The following KAT2B variants were observed in gnomAD, a reference collection of about 807,000 sequenced individuals.
KAT2B encodes the protein lysine acetyltransferase 2B.
In KAT2B, 36 loss-of-function variants were observed where a neutral mutation model predicts 105.9. The observed-to-expected ratio is 0.34, with a 90% CI of 0.26 to 0.45. The LOEUF is 0.45. KAT2B is among the 20% of genes least tolerant of loss of function. KAT2B has a pLI of 1.00. For missense variants in KAT2B, 820 were observed against 1,021.6 expected (o/e 0.80, Z 2.69); for synonymous variants, 397 against 377.9 (o/e 1.05, Z -0.59).
chr3:20,104,979 G>A (rs1698974956), intron 5 of KAT2B, among the ~76,000 whole-genome samples: 1 of 150,978 alleles, frequency 6.6e-6, no homozygotes, highest in South Asian at 2.1e-4. Flanking sequence ...TCCACCTCCT[G>A]AGTTCAGGCG....
chr3:20,097,742 G>A (rs956596823), intron 3 of KAT2B, among the ~76,000 whole-genome samples: 6 of 151,772 alleles, frequency 4.0e-5, no homozygotes, highest in African/African-American at 1.5e-4. Context: ...TCACATTGTC[G>A]GCCACGCTTG....
Position 20,092,770 on chromosome 3 carries a change from C to T in KAT2B, c.431-2493C>T, listed in dbSNP as rs554276799. On this transcript the variant is annotated intron_variant, in intron 2 of 17. Coordinates refer to ENST00000263754, the MANE Select transcript of KAT2B (RefSeq NM_003884.5). ...AGGCTGGAGTGCACTGGTGTGATGTCGGCTCACTGCAATCTCCGCCTCCTG... is the reference window on the plus strand; with the variant it reads ...AGGCTGGAGTGCACTGGTGTGATGTTGGCTCACTGCAATCTCCGCCTCCTG... Among the ~76,000 whole-genome samples, 7 of 151,906 alleles carry T rather than the reference C, an allele frequency of 4.6e-5. No homozygotes were observed. The South Asian group carries it at 8.3e-4, about 18-fold the overall frequency.
Position 20,152,742 on chromosome 3 carries a change from C to T in KAT2B, c.*217C>T. On this transcript the variant is annotated 3_prime_UTR_variant, in exon 18 of 18. Transcript: ENST00000263754. ...TTTATTTTATGGAATAGATTTTAAT[C>T]TATTTACTACTATTAAGGTAAATTT... 1 of 369,962 alleles carries T rather than the reference C, an allele frequency of 2.7e-6. No individual in the cohort carries two copies. The highest frequency in any genetic ancestry group is 5.0e-6 in the Non-Finnish European group (1 of 200,908). The allele number at this position is 369,962 out of a possible 1,614,324, so 22.9% of individuals were successfully genotyped here.
intron 1 of KAT2B, among the ~76,000 whole-genome samples, chr3:20,059,848 T>A (rs1424514717): frequency 1.3e-5 from 2 of 152,322 alleles, no homozygotes; most frequent in South Asian, 4.1e-4. Flanking sequence ...TTTAGAAGAT[T>A]TCCATCACCT....
intron 1 of KAT2B, among the ~76,000 whole-genome samples, chr3:20,071,117 A>C (rs1405306841): frequency 6.6e-6 from 1 of 152,208 alleles, no homozygotes; most frequent in Non-Finnish European, 1.5e-5. Flanking sequence ...AATACATTTA[A>C]ACATATAATT....
intron 1 of KAT2B, among the ~76,000 whole-genome samples, chr3:20,059,493 G>A (rs765360282): frequency 6.6e-6 from 1 of 150,882 alleles, no homozygotes; most frequent in Non-Finnish European, 1.5e-5. Flanking sequence ...CGAGGCAGGT[G>A]GATCACGAGG....
intron 3 of KAT2B, 79 bp from the exon 4 acceptor site, chr3:20,099,781 CAG>C (rs1698876789): frequency 1.4e-6 from 1 of 697,196 alleles, no homozygotes; most frequent in East Asian, 2.6e-5. Flanking sequence ...GAGAGACAGA[CAG>C]AAACAGAAGA....
In KAT2B at chr3:20,139,513, A is replaced by C. The variant is rs113277482; in HGVS notation, c.1861-708A>C. The stretch of plus-strand genomic sequence containing the variant: ...TACTTGGAAAATAAGTTTTTGTTGA[A>C]AGATGAGGCAGTGAACTGCTGGCGA... On this transcript the variant is annotated intron_variant, in intron 12 of 17. Transcript: ENST00000263754. 2.5e-3 allele frequency among the ~76,000 whole-genome samples: 381 copies of C among 152,214 alleles called. 1 individual carries two copies. The highest frequency in any genetic ancestry group is 8.3e-3 in the African/African-American group (343 of 41,546).
At chr3:20,108,994 G>A (rs6783606) in intron 5 of KAT2B, among the ~76,000 whole-genome samples, 33,872 of 151,906 alleles carry the variant, frequency 0.22, 4,564 homozygotes, top group East Asian at 0.43. Flanking sequence ...CAAAAAAGTT[G>A]GGGACCTCTG....
chr3:20,130,192 G>A (rs1699484461), intron 11 of KAT2B, among the ~76,000 whole-genome samples: 1 of 152,192 alleles, frequency 6.6e-6, no homozygotes, highest in African/African-American at 2.4e-5. Context: ...CAAAGCACAA[G>A]TGGAGCTTTT....
intron 1 of KAT2B, among the ~76,000 whole-genome samples, chr3:20,064,723 G>A (rs1698195348): frequency 6.6e-6 from 1 of 152,076 alleles, no homozygotes; most frequent in Non-Finnish European, 1.5e-5. Flanking sequence ...TACTTACATC[G>A]AGTGAGATAA....
chr3:20,108,447 T>G (rs1450544479), intron 5 of KAT2B, among the ~76,000 whole-genome samples: 1 of 152,222 alleles, frequency 6.6e-6, no homozygotes, highest in Non-Finnish European at 1.5e-5. Context: ...TTGTTATTTT[T>G]AAAATTTAGG....
intron 1 of KAT2B, among the ~76,000 whole-genome samples, chr3:20,065,063 A>G (rs906132244): frequency 4.6e-5 from 7 of 152,068 alleles, no homozygotes; most frequent in Non-Finnish European, 7.4e-5. Flanking sequence ...CTCATCATCC[A>G]TCCTGGTTTC....
rs143282162 is a variant in KAT2B at position 20,082,387 on chromosome 3, A to G, written c.430+9928A>G. ...AATTACCAACTTTAGTAAATTTAAC[A>G]TTAATATAATACCTTTATCTAATCT... is the stretch of plus-strand genomic sequence containing the variant. On this transcript the variant is annotated intron_variant, in intron 2 of 17. Coordinates refer to ENST00000263754, the MANE Select transcript of KAT2B (RefSeq NM_003884.5). 3.6e-3 allele frequency among the ~76,000 whole-genome samples: 547 copies of G among 152,270 alleles called. 6 individuals are homozygous for G. The highest frequency in any genetic ancestry group is 0.012 in the African/African-American group (517 of 41,560).
intron 1 of KAT2B, among the ~76,000 whole-genome samples, chr3:20,045,595 G>A (rs1380047052): frequency 1.3e-5 from 2 of 152,100 alleles, no homozygotes; most frequent in East Asian, 1.9e-4. Flanking sequence ...TTGAATTAAA[G>A]TATATCATCT....
intron 12 of KAT2B, among the ~76,000 whole-genome samples, chr3:20,139,223 T>TC (rs397749721): frequency 2.0e-4 from 30 of 148,404 alleles, no homozygotes; most frequent in Non-Finnish European, 3.4e-4. Flanking sequence ...CCAGACTTCT[T>TC]TTTTTTTAAA....
At chr3:20,103,443 T>C (rs941717148) in intron 5 of KAT2B, among the ~76,000 whole-genome samples, 17 of 152,170 alleles carry the variant, frequency 1.1e-4, no homozygotes, top group African/African-American at 4.1e-4. Context: ...GGTGTCTTAT[T>C]CTGTATCCTG....
intron 1 of KAT2B, among the ~76,000 whole-genome samples, chr3:20,053,303 A>C (rs1697947164): frequency 6.6e-6 from 1 of 152,158 alleles, no homozygotes; most frequent in African/African-American, 2.4e-5. Flanking sequence ...TGGGTGGCCA[A>C]GGTGGGCAGA....
chr3:20,050,966 C>A (rs191702723), intron 1 of KAT2B, among the ~76,000 whole-genome samples: 1 of 151,802 alleles, frequency 6.6e-6, no homozygotes, highest in Non-Finnish European at 1.5e-5. Context: ...TTTGAGAGGC[C>A]GAGGTGGGCA....
Sources: gnomAD v4.1 joint callset for allele counts (sites outside exome capture counted in the v4.1 genomes callset) on GRCh38, gnomAD v4.1.1 for gene constraint, MANE v1.5 for transcripts, NCBI Gene and HGNC (gene_info 2026-07-23, HGNC 2026-07-21) for gene names.